The following EFL1 variants were observed in gnomAD, a reference collection of about 807,000 sequenced individuals.
EFL1 encodes the protein elongation factor like GTPase 1.
In EFL1, 76 loss-of-function variants were observed where a neutral mutation model predicts 126.7. The ratio of observed to expected loss-of-function variants is 0.60; its 90% CI spans 0.50 to 0.73. The LOEUF (loss-of-function observed/expected upper bound fraction) is 0.73. Ranked by LOEUF, EFL1 falls within the 30% of genes least tolerant of loss-of-function variation. The pLI is 0.00. For synonymous variants in EFL1, 410 were observed against 448.4 expected, an observed-to-expected ratio of 0.91 and a Z score of 1.08; for missense variants, 1,128 against 1,343.2, an observed-to-expected ratio of 0.84 and a Z score of 2.50.
intron 15 of EFL1, among the ~76,000 whole-genome samples, chr15:82,190,887 A>C (rs957535795): frequency 5.3e-5 from 8 of 152,186 alleles, no homozygotes; most frequent in African/African-American, 1.9e-4. Context: ...ATATCTACAA[A>C]ACACTTAAAA....
intron 15 of EFL1, among the ~76,000 whole-genome samples, chr15:82,185,454 A>G (rs922202707): frequency 2.6e-5 from 4 of 152,198 alleles, no homozygotes; most frequent in African/African-American, 9.6e-5. Flanking sequence ...TAAATACTTT[A>G]AAGACATTCA....
intron 7 of EFL1, among the ~76,000 whole-genome samples, chr15:82,232,835 T>C (rs2074835849): frequency 6.6e-6 from 1 of 152,156 alleles, no homozygotes; most frequent in Non-Finnish European, 1.5e-5. Flanking sequence ...ATACATTTAT[T>C]GGTATAATCA....
chr15:82,251,277 G>C (rs1313502876), intron 4 of EFL1, among the ~76,000 whole-genome samples: 1 of 152,202 alleles, frequency 6.6e-6, no homozygotes, highest in African/African-American at 2.4e-5. Flanking sequence ...CAAGGTCACA[G>C]AGCTCGATAA....
chr15:82,247,468 A>C (rs1168104483), intron 4 of EFL1, among the ~76,000 whole-genome samples: 1 of 152,120 alleles, frequency 6.6e-6, no homozygotes, highest in Admixed American at 6.5e-5. Flanking sequence ...ATGACTGGAA[A>C]GGTGAATAAT....
chr15:82,247,000 G>A (rs1387407655), intron 4 of EFL1, among the ~76,000 whole-genome samples: 1 of 152,124 alleles, frequency 6.6e-6, no homozygotes, highest in African/African-American at 2.4e-5. Flanking sequence ...TTAAAGTTTT[G>A]TTGGGAAAAA....
At chr15:82,172,628 C>A (rs116906973) in intron 15 of EFL1, among the ~76,000 whole-genome samples, 2,274 of 152,144 alleles carry the variant, frequency 0.015, 24 homozygotes, top group East Asian at 0.024. Flanking sequence ...TAATATACAC[C>A]GAATTTTCAG....
intron 16 of EFL1, among the ~76,000 whole-genome samples, chr15:82,161,804 G>C (rs1259468008): frequency 4.6e-5 from 7 of 152,130 alleles, no homozygotes; most frequent in Non-Finnish European, 8.8e-5. Flanking sequence ...ATCTTACTAT[G>C]AATCAGCTAT....
intron 15 of EFL1, among the ~76,000 whole-genome samples, chr15:82,185,175 G>A (rs943796694): frequency 1.4e-5 from 1 of 72,304 alleles, no homozygotes; most frequent in Non-Finnish European, 2.8e-5. Flanking sequence ...GTGGCTGTGT[G>A]TGTGTGTGTG....
intron 16 of EFL1, among the ~76,000 whole-genome samples, chr15:82,162,432 A>T (rs1275141143): frequency 6.6e-6 from 1 of 152,262 alleles, no homozygotes; most frequent in Non-Finnish European, 1.5e-5. Flanking sequence ...AGACTCAAAT[A>T]TCACAACTTA....
At chr15:82,231,795 T>G (rs2074825201) in intron 7 of EFL1, among the ~76,000 whole-genome samples, 2 of 152,312 alleles carry the variant, frequency 1.3e-5, no homozygotes, top group South Asian at 4.1e-4. Flanking sequence ...TGTTCACACG[T>G]GACTCTTTAA....
intron 19 of EFL1, among the ~76,000 whole-genome samples, chr15:82,136,134 C>A (rs1211796336): frequency 6.6e-6 from 1 of 151,988 alleles, no homozygotes; most frequent in African/African-American, 2.4e-5. Flanking sequence ...ATAAAAATCA[C>A]TTTTGAGGAT....
intron 15 of EFL1, among the ~76,000 whole-genome samples, chr15:82,190,919 C>T (rs72749564): frequency 0.19 from 29,408 of 151,802 alleles, 3,087 homozygotes; most frequent in South Asian, 0.39. Flanking sequence ...ATCACAAGTA[C>T]AGCCTCAACA....
In EFL1 at chr15:82,240,684, C is replaced by CT. The variant is rs1596004491; in HGVS notation, c.379-130dup. 2.9e-6 allele frequency: 3 copies of CT among 1,038,626 alleles called. No homozygotes were observed. In the East Asian group the frequency reaches 7.7e-5, roughly 27 times the overall value. 64.3% of individuals were successfully genotyped at this position (1,038,626 alleles called of 1,614,324 possible). A position where few individuals can be genotyped will look rare whatever the true frequency, so the allele number is the denominator to read the frequency against. On this transcript the variant is annotated intron_variant, in intron 5 of 19. Transcript: ENST00000268206. ...AAGGTATTCATTAGGCATTCACAAA[C>CT]TATGTATACAGCGGAGTAGCAAAGA...
At chr15:82,244,373 A>T (rs2074952414) in intron 4 of EFL1, among the ~76,000 whole-genome samples, 1 of 152,256 alleles carries the variant, frequency 6.6e-6, no homozygotes, top group South Asian at 2.1e-4. Context: ...GCCAGTATTA[A>T]TTATTTAAAA....
At position 82,184,452 on chromosome 15, in the gene EFL1, G is replaced by T. The variant is rs117871819; in HGVS notation, c.1751-20468C>A. On this transcript the variant is annotated intron_variant, in intron 15 of 19. Coordinates refer to ENST00000268206, the MANE Select transcript of EFL1 (RefSeq NM_024580.6). ...CTGTGAACCATAAGCTCAGTTGCCTGGTGGAAGTAAGCATTAATTACCACA... is the reference window on the plus strand; with the variant it reads ...CTGTGAACCATAAGCTCAGTTGCCTTGTGGAAGTAAGCATTAATTACCACA... Among the ~76,000 whole-genome samples, 400 of 152,304 alleles carry T rather than the reference G, an allele frequency of 2.6e-3. 2 individuals are homozygous for T. The highest frequency in any genetic ancestry group is 0.01 in the Middle Eastern group (3 of 294).
intron 18 of EFL1, among the ~76,000 whole-genome samples, chr15:82,150,525 A>C (rs748652451): frequency 9.9e-5 from 15 of 152,182 alleles, no homozygotes; most frequent in Non-Finnish European, 1.9e-4. Flanking sequence ...TAATCTTCAC[A>C]ATCTGTATGA....
intron 15 of EFL1, among the ~76,000 whole-genome samples, chr15:82,165,312 G>A (rs912151159): frequency 2.0e-5 from 3 of 152,094 alleles, no homozygotes; most frequent in African/African-American, 2.4e-5. Context: ...ACACACACAC[G>A]GGCCATTTTT....
rs548334438 is a variant in EFL1, at chr15:82,169,720, T to C, written c.1751-5736A>G. Among the ~76,000 whole-genome samples, 4 of 152,320 alleles carry C rather than the reference T, an allele frequency of 2.6e-5. No homozygotes were observed. In the East Asian group the frequency reaches 7.7e-4, roughly 29 times the overall value. ...CTTTTTGAGCTTTTTCCATTTGGCG[T>C]CTAAGTTTCAAAGCTCAGGAAGCTG... is the stretch of plus-strand genomic sequence containing the variant. On this transcript the variant is annotated intron_variant, in intron 15 of 19. Coordinates refer to ENST00000268206, the MANE Select transcript of EFL1 (RefSeq NM_024580.6).
At chr15:82,246,759 G>A (rs993183635) in intron 4 of EFL1, among the ~76,000 whole-genome samples, 8 of 152,078 alleles carry the variant, frequency 5.3e-5, no homozygotes, top group African/African-American at 1.7e-4. Flanking sequence ...GCAAGCAGGT[G>A]AGAATTCTTC....
Sources: allele counts gnomAD v4.1 joint callset (sites outside exome capture counted in the v4.1 genomes callset), GRCh38; gene constraint gnomAD v4.1.1; transcripts MANE v1.5; gene names NCBI Gene and HGNC (gene_info 2026-07-23, HGNC 2026-07-21).